Variants in ZEB2 observed in about 807,000 individuals in gnomAD.
ZEB2 encodes zinc finger E-box-binding homeobox 2.
Under a neutral mutation model 99.9 loss-of-function variants are expected in ZEB2, and 6 were observed. The observed-to-expected ratio is 0.06, with a 90% CI of 0.03 to 0.12. The LOEUF (loss-of-function observed/expected upper bound fraction) is 0.12, where lower values mean the gene tolerates loss of function less well. Among genes scored for constraint, ZEB2 ranks in the 10% least tolerant of loss-of-function variants. The pLI, the probability that ZEB2 is intolerant of heterozygous loss-of-function variation, is 1.00. For missense variants in ZEB2, 969 were observed against 1,502.8 expected, an observed-to-expected ratio of 0.64 and a Z score of 5.87; for synonymous variants, 517 against 542.5, an observed-to-expected ratio of 0.95 and a Z score of 0.65.
chr2:144,497,358 T>C (rs1704776657), intron 2 of ZEB2, among the ~76,000 whole-genome samples: 1 of 152,164 alleles, frequency 6.6e-6, no homozygotes, highest in Non-Finnish European at 1.5e-5. Context: ...CATCCATTTT[T>C]TGATCCACAG....
At chr2:144,408,970 T>C (rs1477737322) in intron 4 of ZEB2, among the ~76,000 whole-genome samples, 1 of 152,086 alleles carries the variant, frequency 6.6e-6, no homozygotes, top group East Asian at 1.9e-4. Flanking sequence ...ACTGTAGCTA[T>C]AAAATGTGGA....
At chr2:144,406,332 A>C (rs1703386641) in intron 4 of ZEB2, among the ~76,000 whole-genome samples, 2 of 152,238 alleles carry the variant, frequency 1.3e-5, no homozygotes, top group African/African-American at 2.4e-5. Flanking sequence ...TCCTTCGGGA[A>C]GCCATGAGAG....
intron 2 of ZEB2, among the ~76,000 whole-genome samples, chr2:144,459,455 T>C (rs1048650589): frequency 2.6e-5 from 4 of 152,100 alleles, no homozygotes; most frequent in Non-Finnish European, 5.9e-5. Context: ...CATGGGGAAA[T>C]TTACCTTCTC....
intron 2 of ZEB2, chr2:144,496,668 C>T (rs762243111): frequency 6.6e-6 from 1 of 152,162 alleles, no homozygotes; most frequent in Non-Finnish European, 1.5e-5. Flanking sequence ...ACTCCAGGCT[C>T]ATGCCCTTTC....
intron 8 of ZEB2, 71 bp from the exon 9 acceptor site, chr2:144,396,663 G>T: frequency 2.0e-6 from 3 of 1,529,980 alleles, no homozygotes; most frequent in Non-Finnish European, 2.7e-6. Context: ...TCACATAGGG[G>T]GACATTTGGA....
intron 2 of ZEB2, among the ~76,000 whole-genome samples, chr2:144,488,848 T>A (rs2149918114): frequency 6.6e-6 from 1 of 152,324 alleles, no homozygotes; most frequent in South Asian, 2.1e-4. Flanking sequence ...AGAAATGGAC[T>A]GGTTACTTTT....
intron 4 of ZEB2, among the ~76,000 whole-genome samples, chr2:144,413,269 C>T (rs921564816): frequency 6.6e-6 from 1 of 152,166 alleles, no homozygotes; most frequent in African/African-American, 2.4e-5. Flanking sequence ...GACAACATCA[C>T]AAGCAAAACA....
chr2:144,424,375 T>C (rs1397180453), intron 4 of ZEB2: 2 of 518,756 alleles, frequency 3.9e-6, no homozygotes, highest in Non-Finnish European at 7.7e-6. Flanking sequence ...TTTGTCTTTC[T>C]GAAAAAAAAA....
intron 2 of ZEB2, among the ~76,000 whole-genome samples, chr2:144,457,729 A>AT (rs1191921508): frequency 6.6e-6 from 1 of 151,958 alleles, no homozygotes; most frequent in Non-Finnish European, 1.5e-5. Context: ...TTAAATTTTT[A>AT]TTTTTTCATG....
intron 3 of ZEB2, chr2:144,427,658 C>G (rs1406664990): frequency 6.6e-6 from 1 of 151,964 alleles, no homozygotes; most frequent in Non-Finnish European, 1.5e-5. Flanking sequence ...CATCAAGGCA[C>G]CACATCAGAG....
chr2:144,393,965 A>T (rs1175990769), intron 9 of ZEB2, among the ~76,000 whole-genome samples: 1 of 152,208 alleles, frequency 6.6e-6, no homozygotes, highest in Non-Finnish European at 1.5e-5. Context: ...ACTGTCGGCC[A>T]GGCTGGAGTG....
At chr2:144,439,956 C>T (rs1703884111) in intron 2 of ZEB2, among the ~76,000 whole-genome samples, 1 of 152,124 alleles carries the variant, frequency 6.6e-6, no homozygotes, top group South Asian at 2.1e-4. Flanking sequence ...TCCAACATTG[C>T]CAACATTTTC....
At chr2:144,517,839 C>T (rs146919201) in intron 1 of ZEB2, 2 of 569,940 alleles carry the variant, frequency 3.5e-6, no homozygotes, top group Non-Finnish European at 6.3e-6. Flanking sequence ...CCCCCCACCC[C>T]CCAATTCCCA....
chr2:144,419,922 T>A (rs776553309), intron 4 of ZEB2, among the ~76,000 whole-genome samples: 1 of 152,222 alleles, frequency 6.6e-6, no homozygotes, highest in Non-Finnish European at 1.5e-5. Context: ...AAAAAAAATG[T>A]AGTGATACTC....
chr2:144,394,982 C>T (rs1212740089), intron 9 of ZEB2, among the ~76,000 whole-genome samples: 1 of 149,998 alleles, frequency 6.7e-6, no homozygotes, highest in African/African-American at 2.5e-5. Context: ...TATTCACCTT[C>T]CCTTCGCTTT....
In ZEB2 at chr2:144,386,978, T is replaced by A. The variant is rs556441621; in HGVS notation, c.*2473A>T. On this transcript the variant is annotated 3_prime_UTR_variant, in exon 10 of 10. Transcript: ENST00000627532. ...TTGAAGATAGAGCTAAAAACATGTT[T>A]TTCTAAAAAGGTCTGCTCAACTATT... The A allele has an allele frequency of 7.0e-6, 1 of 143,164 alleles. No homozygotes were observed. The highest frequency in any genetic ancestry group is 2.1e-4 in the East Asian group (1 of 4,744). The allele number at this position is 143,164 out of a possible 1,614,324, so 8.9% of individuals were successfully genotyped here.
Position 144,443,648 on chromosome 2 carries a change from A to C in ZEB2, c.74-13622T>G, listed in dbSNP as rs539195008. Among the ~76,000 whole-genome samples, 4 of 152,330 alleles carry C rather than the reference A, an allele frequency of 2.6e-5. No homozygotes were observed. The East Asian group carries it at 5.8e-4, about 22-fold the overall frequency. On this transcript the variant is annotated intron_variant, in intron 2 of 9. Coordinates refer to ENST00000627532, the MANE Select transcript of ZEB2 (RefSeq NM_014795.4). ...ATGTTAGATGGGAAATAAAATGTGT[A>C]TGTGCTTGTGTTCATTATATTTTTC...
chr2:144,401,493 A>T (rs1703310110), intron 6 of ZEB2, among the ~76,000 whole-genome samples, 186 bp from the exon 7 acceptor site: 1 of 152,096 alleles, frequency 6.6e-6, no homozygotes, highest in Admixed American at 6.6e-5. Context: ...TGGAACAAAT[A>T]AAAAAAAGTG....
chr2:144,428,689 C>T (rs1185006652), intron 3 of ZEB2: 1 of 152,038 alleles, frequency 6.6e-6, no homozygotes, highest in Non-Finnish European at 1.5e-5. Flanking sequence ...AATTTTCTTT[C>T]GTAGTGGAAG....
Sources: allele counts gnomAD v4.1 joint callset (sites outside exome capture counted in the v4.1 genomes callset), GRCh38; gene constraint gnomAD v4.1.1; transcripts MANE v1.5; gene names NCBI Gene and HGNC (gene_info 2026-07-23, HGNC 2026-07-21).